Variants in ADAM23 observed in about 807,000 individuals in gnomAD.
ADAM23 encodes disintegrin and metalloproteinase domain-containing protein 23.
ADAM23 carries 33 observed loss-of-function variants against 120.1 expected under a neutral mutation model. That is an observed-to-expected ratio of 0.27 (90% confidence interval 0.21 to 0.37). The LOEUF (loss-of-function observed/expected upper bound fraction) is 0.37. Ranked by LOEUF, ADAM23 falls within the 10% of genes least tolerant of loss-of-function variation. ADAM23 has a pLI of 1.00. For missense variants in ADAM23, 862 were observed against 1,058.2 expected (o/e 0.81, Z 2.57); for synonymous variants, 367 against 375.2 (o/e 0.98, Z 0.25).
chr2:206,462,429 G>A (rs1695443378), intron 2 of ADAM23, among the ~76,000 whole-genome samples: 1 of 152,120 alleles, frequency 6.6e-6, no homozygotes, highest in Non-Finnish European at 1.5e-5. Context: ...ACTATCTTTT[G>A]TCTGCCTGCT....
intron 3 of ADAM23, among the ~76,000 whole-genome samples, chr2:206,496,960 T>G (rs1696265526): frequency 2.0e-5 from 3 of 152,198 alleles, no homozygotes. Context: ...AGGAAGAAGT[T>G]GAATCTCTGA....
At chr2:206,481,801 G>A (rs1051856785) in intron 3 of ADAM23, among the ~76,000 whole-genome samples, 13 of 152,286 alleles carry the variant, frequency 8.5e-5, no homozygotes, top group Non-Finnish European at 1.8e-4. Context: ...TGGTCCTGAT[G>A]AAAATTTACC....
Position 206,509,597 on chromosome 2 carries a change from C to T in ADAM23, c.510-21288C>T, listed in dbSNP as rs375617381. ...TCGAGTAGCTGCGACTACAGGCATG[C>T]GCCATCACGCCCAGCTAATTTTTGT... On this transcript the variant is annotated intron_variant, in intron 3 of 25. Transcript: ENST00000264377. Among the ~76,000 whole-genome samples the T allele has an allele frequency of 9.2e-5, 14 of 152,180 alleles. 1 individual carries two copies. In the East Asian group the frequency reaches 9.7e-4, roughly 11 times the overall value.
chr2:206,545,686 C>G (rs1298268311), intron 6 of ADAM23, among the ~76,000 whole-genome samples: 1 of 152,022 alleles, frequency 6.6e-6, no homozygotes, highest in Non-Finnish European at 1.5e-5. Flanking sequence ...CAACTAGTAA[C>G]TATAAAAATT....
chr2:206,489,367 C>G (rs1380304477), intron 3 of ADAM23, among the ~76,000 whole-genome samples: 2 of 152,168 alleles, frequency 1.3e-5, no homozygotes, highest in Admixed American at 6.5e-5. Context: ...AGGCACTGGC[C>G]TTAGGAATTT....
chr2:206,508,108 C>T (rs958296236), intron 3 of ADAM23, among the ~76,000 whole-genome samples: 7 of 152,154 alleles, frequency 4.6e-5, no homozygotes, highest in African/African-American at 1.7e-4. Context: ...CGGCTCACTG[C>T]AAGCCCCACC....
At chr2:206,508,075 G>A (rs1470679758) in intron 3 of ADAM23, among the ~76,000 whole-genome samples, 1 of 152,090 alleles carries the variant, frequency 6.6e-6, no homozygotes, top group African/African-American at 2.4e-5. Flanking sequence ...TGTTTCCCAG[G>A]CTGGAGTGCA....
intron 9 of ADAM23, among the ~76,000 whole-genome samples, chr2:206,556,995 A>G (rs540279310): frequency 3.3e-5 from 5 of 152,360 alleles, no homozygotes; most frequent in South Asian, 2.1e-4. Flanking sequence ...TGTAGACATT[A>G]AGACTAAATT....
rs1406235991 is a variant in ADAM23, at chr2:206,542,041, C to T, written c.574-11C>T. On this transcript the variant is annotated splice_polypyrimidine_tract_variant and intron_variant, in intron 4 of 25. Coordinates refer to ENST00000264377, the MANE Select transcript of ADAM23 (RefSeq NM_003812.4). ...ATAAAATACAACCAATCAATGAAAC[C>T]TGCTTTCCAGGGTGGAGAGCACTGT... 6.2e-7 allele frequency: 1 copy of T among 1,613,660 alleles called. No individual in the cohort carries two copies. The highest frequency in any genetic ancestry group is 8.5e-7 in the Non-Finnish European group (1 of 1,179,612).
intron 2 of ADAM23, among the ~76,000 whole-genome samples, chr2:206,451,689 A>G (rs994298595): frequency 6.6e-6 from 1 of 152,212 alleles, no homozygotes; most frequent in African/African-American, 2.4e-5. Context: ...GAGAGCCAGG[A>G]TTTGAATCCA....
chr2:206,462,666 C>T (rs961751810), intron 2 of ADAM23, among the ~76,000 whole-genome samples: 1 of 152,098 alleles, frequency 6.6e-6, no homozygotes, highest in Admixed American at 6.5e-5. Context: ...ACCCAAGTAC[C>T]CCCATTTAAG....
At chr2:206,594,985 CT>C in intron 23 of ADAM23, 80 bp downstream of exon 23, 1 of 1,543,236 alleles carries the variant, frequency 6.5e-7, no homozygotes, top group Middle Eastern at 1.8e-4. Flanking sequence ...TTCAGCCATT[CT>C]CCTAGCCAAC....
intron 6 of ADAM23, among the ~76,000 whole-genome samples, chr2:206,546,327 T>C (rs965952755): frequency 3.3e-5 from 5 of 152,214 alleles, no homozygotes; most frequent in African/African-American, 1.2e-4. Flanking sequence ...TTACTGTAAT[T>C]AATTTTAGAT....
intron 3 of ADAM23, among the ~76,000 whole-genome samples, chr2:206,508,158 T>G (rs1360398754): frequency 6.6e-6 from 1 of 151,932 alleles, no homozygotes; most frequent in Non-Finnish European, 1.5e-5. Context: ...GCCTCCCGAG[T>G]AGCTGGGACT....
intron 18 of ADAM23, among the ~76,000 whole-genome samples, chr2:206,579,564 G>A (rs527678095): frequency 7.2e-5 from 11 of 152,064 alleles, no homozygotes; most frequent in African/African-American, 1.9e-4. Context: ...GTTTATTTCT[G>A]GGTTCTATAT....
chr2:206,503,031 A>G (rs1055847112), intron 3 of ADAM23, among the ~76,000 whole-genome samples: 2 of 152,166 alleles, frequency 1.3e-5, no homozygotes, highest in African/African-American at 4.8e-5. Context: ...ACATATACAT[A>G]TACATTGGCT....
intron 3 of ADAM23, among the ~76,000 whole-genome samples, chr2:206,516,285 A>G (rs1696729342): frequency 6.6e-6 from 1 of 151,972 alleles, no homozygotes; most frequent in Non-Finnish European, 1.5e-5. Context: ...AATAGTAACA[A>G]TAGAATTTTC....
intron 3 of ADAM23, 133 bp downstream of exon 3, chr2:206,481,441 A>G (rs1695894566): frequency 5.4e-6 from 3 of 558,260 alleles, no homozygotes; most frequent in Admixed American, 4.2e-5. Context: ...CATGTAAAGT[A>G]TAAAATTCTG....
intron 2 of ADAM23, among the ~76,000 whole-genome samples, chr2:206,473,402 G>A (rs554582783): frequency 1.3e-5 from 2 of 151,830 alleles, no homozygotes; most frequent in South Asian, 4.1e-4. Flanking sequence ...TCCAAATTTG[G>A]TAATTAATCA....
Sources: gnomAD v4.1 joint callset for allele counts (sites outside exome capture counted in the v4.1 genomes callset) on GRCh38, gnomAD v4.1.1 for gene constraint, MANE v1.5 for transcripts, NCBI Gene and HGNC (gene_info 2026-07-23, HGNC 2026-07-21) for gene names.